Variants in NRXN1 observed in about 807,000 individuals in gnomAD.
The protein encoded by NRXN1 is neurexin 1.
In NRXN1, 39 loss-of-function variants were observed where a neutral mutation model predicts 150.9. That is an observed-to-expected ratio of 0.26 (90% CI 0.20 to 0.34). The LOEUF is 0.34. NRXN1 is among the 10% of genes least tolerant of loss of function. NRXN1 has a pLI of 1.00. For synonymous variants in NRXN1, 924 were observed against 757.0 expected (o/e 1.22, Z -3.62); for missense variants, 1,815 against 1,949.9 (o/e 0.93, Z 1.30).
At chr2:49,970,399 T>C (rs1393062301) in intron 21 of NRXN1, 1 of 152,100 alleles carries the variant, frequency 6.6e-6, no homozygotes, top group African/African-American at 2.4e-5. Context: ...ATCTCTCATA[T>C]ATTTCTGCTT....
chr2:50,469,047 G>T (rs1432968508), intron 16 of NRXN1, among the ~76,000 whole-genome samples: 1 of 151,492 alleles, frequency 6.6e-6, no homozygotes, highest in Admixed American at 6.6e-5. Flanking sequence ...CCCATTTTCT[G>T]CTACATAAAC....
At chr2:50,192,723 CAGCCTCCTG>C (rs952647049) in intron 18 of NRXN1, among the ~76,000 whole-genome samples, 1 of 152,172 alleles carries the variant, frequency 6.6e-6, no homozygotes, top group Non-Finnish European at 1.5e-5. Flanking sequence ...TCTTGTGCCT[CAGCCTCCTG>C]AGTAGCTGGG....
intron 16 of NRXN1, among the ~76,000 whole-genome samples, chr2:50,467,595 A>G (rs893168481): frequency 2.5e-4 from 38 of 151,518 alleles, no homozygotes; most frequent in Admixed American, 1.2e-3. Flanking sequence ...TATTGAATTT[A>G]GCCTAGCCTC....
chr2:50,144,337 G>A (rs1003110034), intron 18 of NRXN1, among the ~76,000 whole-genome samples: 1 of 151,724 alleles, frequency 6.6e-6, no homozygotes, highest in Non-Finnish European at 1.5e-5. Flanking sequence ...CACTCTGTCT[G>A]AATTTTTGCA....
rs142035231 is a variant in NRXN1 at position 50,395,846 on chromosome 2, C to T, written c.3364+69596G>A. On this transcript the variant is annotated intron_variant, in intron 17 of 22. Coordinates refer to ENST00000401669, the MANE Select transcript of NRXN1 (RefSeq NM_001330078.2). ...TGCATCCTTGCCTTTCTGATGGCTA[C>T]ATTGGTCATTTTTAGTGTAGAACTC... Among the ~76,000 whole-genome samples, 21 of 152,196 alleles carry T rather than the reference C, an allele frequency of 1.4e-4. 1 individual carries two copies. The highest frequency in any genetic ancestry group is 4.6e-4 in the African/African-American group (19 of 41,528).
chr2:50,312,736 G>T, intron 17 of NRXN1: 1 of 516,668 alleles, frequency 1.9e-6, no homozygotes. Flanking sequence ...TTGTGTCATA[G>T]GTAAGCCAAA....
intron 21 of NRXN1, among the ~76,000 whole-genome samples, chr2:49,946,299 C>T (rs1380256654): frequency 1.3e-5 from 2 of 151,990 alleles, no homozygotes; most frequent in Non-Finnish European, 2.9e-5. Context: ...CTTTGTCAGA[C>T]AGATAGATTG....
At chr2:50,917,075 C>T (rs1685313520) in intron 5 of NRXN1, 1 of 151,502 alleles carries the variant, frequency 6.6e-6, no homozygotes, top group Non-Finnish European at 1.5e-5. Flanking sequence ...CCGGTCTTCC[C>T]ACGGTCTGCG....
chr2:49,979,587 G>T (rs1198059998), intron 21 of NRXN1, among the ~76,000 whole-genome samples: 1 of 152,134 alleles, frequency 6.6e-6, no homozygotes. Flanking sequence ...TGAATAGGAT[G>T]CATGGATGAC....
At chr2:51,030,385 A>G (rs1472632948) in intron 1 of NRXN1, among the ~76,000 whole-genome samples, 3 of 152,124 alleles carry the variant, frequency 2.0e-5, no homozygotes, top group African/African-American at 7.2e-5. Context: ...ATGGCACCGC[A>G]TTGTGCTGCT....
chr2:50,635,402 C>T (rs189122279), intron 5 of NRXN1, among the ~76,000 whole-genome samples: 3 of 151,396 alleles, frequency 2.0e-5, no homozygotes, highest in East Asian at 2.0e-4. Context: ...CCTGAGCTCC[C>T]GACCTTGTGA....
rs114867796 is a variant in NRXN1 at position 50,715,615 on chromosome 2, A to G, written c.833-92000T>C. The stretch of plus-strand genomic sequence containing the variant: ...CAGATATCTTTAAATACTTCTCACA[A>G]TGAATTTCCATTCTACTCACTGAAA... On this transcript the variant is annotated intron_variant, in intron 5 of 22. Coordinates refer to ENST00000401669, the MANE Select transcript of NRXN1 (RefSeq NM_001330078.2). Among the ~76,000 whole-genome samples the G allele has an allele frequency of 4.7e-3, 709 of 152,268 alleles. 8 individuals are homozygous for G. The highest frequency in any genetic ancestry group is 0.017 in the African/African-American group (687 of 41,566).
chr2:49,983,535 T>C (rs1445925214), intron 21 of NRXN1, among the ~76,000 whole-genome samples: 1 of 152,188 alleles, frequency 6.6e-6, no homozygotes, highest in Non-Finnish European at 1.5e-5. Context: ...CCTTTGCTGA[T>C]GACTTTCAGG....
intron 8 of NRXN1, among the ~76,000 whole-genome samples, chr2:50,570,854 C>T (rs766717084): frequency 4.1e-4 from 63 of 152,014 alleles, no homozygotes; most frequent in Non-Finnish European, 4.7e-4. Context: ...AAGTGTTTTC[C>T]GCAGCTTGGT....
chr2:50,136,505 A>G (rs1706433309), intron 18 of NRXN1, among the ~76,000 whole-genome samples: 1 of 152,200 alleles, frequency 6.6e-6, no homozygotes, highest in Non-Finnish European at 1.5e-5. Context: ...ACAGCTTGTA[A>G]TATCTCAAAC....
chr2:50,113,609 T>A (rs1448166340), intron 18 of NRXN1, among the ~76,000 whole-genome samples: 1 of 152,216 alleles, frequency 6.6e-6, no homozygotes, highest in Non-Finnish European at 1.5e-5. Flanking sequence ...ATACAGTTGA[T>A]CTATCTACAA....
At chr2:50,666,020 A>C (rs1174048742) in intron 5 of NRXN1, among the ~76,000 whole-genome samples, 1 of 151,896 alleles carries the variant, frequency 6.6e-6, no homozygotes, top group South Asian at 2.1e-4. Context: ...ATCACCCCAT[A>C]CATTTTTCGA....
At chr2:50,813,746 T>A (rs553889867) in intron 5 of NRXN1, among the ~76,000 whole-genome samples, 1 of 152,152 alleles carries the variant, frequency 6.6e-6, no homozygotes, top group Admixed American at 6.6e-5. Context: ...TTGGTTTTAA[T>A]TAAAAGCTCA....
chr2:50,491,063 A>G (rs900457354), intron 15 of NRXN1, among the ~76,000 whole-genome samples: 1 of 152,166 alleles, frequency 6.6e-6, no homozygotes, highest in African/African-American at 2.4e-5. Flanking sequence ...CTCTAACGTT[A>G]AGCTCAACAT....
Sources: gnomAD v4.1 joint callset for allele counts (sites outside exome capture counted in the v4.1 genomes callset) on GRCh38, gnomAD v4.1.1 for gene constraint, MANE v1.5 for transcripts, NCBI Gene and HGNC (gene_info 2026-07-23, HGNC 2026-07-21) for gene names.